PPP2R2D: variants seen among roughly 807,000 people sequenced by gnomAD.
PPP2R2D encodes the protein protein phosphatase 2 regulatory subunit Bdelta.
PPP2R2D carries 9 observed loss-of-function variants against 31.1 expected under a neutral mutation model. The ratio of observed to expected loss-of-function variants is 0.29; its 90% CI spans 0.17 to 0.51. The LOEUF (loss-of-function observed/expected upper bound fraction) is 0.51, where lower values mean the gene tolerates loss of function less well. PPP2R2D is among the 20% of genes least tolerant of loss of function. The pLI is 0.98. For synonymous variants in PPP2R2D, 179 were observed against 172.6 expected (o/e 1.04, Z -0.29); for missense variants, 391 against 465.6 (o/e 0.84, Z 1.48).
At chr10:131,942,221 C>G (rs1233647495) in intron 5 of PPP2R2D, among the ~76,000 whole-genome samples, 1 of 152,192 alleles carries the variant, frequency 6.6e-6, no homozygotes, top group Non-Finnish European at 1.5e-5. Flanking sequence ...CTGCCACAAC[C>G]CATCAGCTCA....
chr10:131,908,701 C>A (rs1371516574), intron 2 of PPP2R2D, among the ~76,000 whole-genome samples: 3 of 152,206 alleles, frequency 2.0e-5, no homozygotes, highest in Non-Finnish European at 4.4e-5. Context: ...TACAGGGTTG[C>A]TGTGAAGATT....
In PPP2R2D at chr10:131,956,095, G is replaced by A; in HGVS notation, c.*132G>A. Reference sequence around the variant, plus strand: ...GCTACTTCCCTTCACAGACACAGGAGAAAGCCGCCTCCGCTGGAGGCCCGG... The same window carrying A: ...GCTACTTCCCTTCACAGACACAGGAAAAAGCCGCCTCCGCTGGAGGCCCGG... On this transcript the variant is annotated 3_prime_UTR_variant, in exon 9 of 9. Transcript: ENST00000455566. 7.9e-7 allele frequency: 1 copy of A among 1,269,326 alleles called. No homozygotes were observed. The highest frequency in any genetic ancestry group is 9.9e-7 in the Non-Finnish European group (1 of 1,008,802). The allele number at this position is 1,269,326 out of a possible 1,614,324, so 78.6% of individuals were successfully genotyped here.
Position 131,954,949 on chromosome 10 carries a change from G to A in PPP2R2D, c.1083-735G>A, listed in dbSNP as rs374831712. On this transcript the variant is annotated intron_variant, in intron 8 of 8. Transcript: ENST00000455566. ...TGAAGCCATGGGTCAAATCATGGCA[G>A]CGTTTGCATCATTCAGCTATTTTTC... is the stretch of plus-strand genomic sequence containing the variant. Among the ~76,000 whole-genome samples, 15 of 152,352 alleles carry A rather than the reference G, an allele frequency of 9.8e-5. No individual in the cohort carries two copies. The East Asian group carries it at 2.3e-3, about 23-fold the overall frequency.
the PPP2R2D span, chr10:131,970,578 T>C: frequency 3.8e-6 from 6 of 1,577,946 alleles, no homozygotes; most frequent in African/African-American, 1.4e-5. The surrounding 1 kb of genome is among the most constrained non-coding windows in gnomAD (Gnocchi z 4.1). Flanking sequence ...AATAAATCAC[T>C]GCAACCCAGA....
At chr10:131,942,944 C>T (rs1554897394) in intron 5 of PPP2R2D, among the ~76,000 whole-genome samples, 1 of 152,082 alleles carries the variant, frequency 6.6e-6, no homozygotes, top group Non-Finnish European at 1.5e-5. Flanking sequence ...CACACTTTTC[C>T]AAGTTGGTTT....
rs542985666 is a variant in PPP2R2D at position 131,921,633 on chromosome 10, C to T, written c.101-12825C>T. On this transcript the variant is annotated intron_variant, in intron 2 of 8. Coordinates refer to ENST00000455566, the MANE Select transcript of PPP2R2D (RefSeq NM_018461.5). ...TACTAAGGGCAGTGAGGATTCAAAA[C>T]AGCATGGTTGGATTTGAGTTTAAAA... 2.0e-5 allele frequency among the ~76,000 whole-genome samples: 3 copies of T among 152,330 alleles called. No homozygotes were observed. The South Asian group carries it at 6.2e-4, about 32-fold the overall frequency.
intron 2 of PPP2R2D, among the ~76,000 whole-genome samples, chr10:131,906,767 A>G (rs893963165): frequency 6.6e-6 from 1 of 151,300 alleles, no homozygotes; most frequent in Non-Finnish European, 1.5e-5. Flanking sequence ...CCAAAAAAAA[A>G]AAAAAAAGAA....
chr10:131,948,983 G>C (rs1242603772), intron 8 of PPP2R2D, among the ~76,000 whole-genome samples: 1 of 152,126 alleles, frequency 6.6e-6, no homozygotes, highest in African/African-American at 2.4e-5. Context: ...TTGCAGTTTG[G>C]GTTTGTGCCA....
chr10:131,968,919 T>A, the PPP2R2D span: 1 of 191,012 alleles, frequency 5.2e-6, no homozygotes, highest in Admixed American at 5.5e-5. Flanking sequence ...ACCACCAGCC[T>A]CACCAAAGCC....
downstream of PPP2R2D, among the ~76,000 whole-genome samples, chr10:131,962,893 G>A (rs2036942525): frequency 6.6e-6 from 1 of 152,208 alleles, no homozygotes; most frequent in Admixed American, 6.5e-5. Flanking sequence ...GGCTAGGCAT[G>A]GTGGCTCACG....
chr10:131,934,126 C>T (rs782693303), intron 2 of PPP2R2D, among the ~76,000 whole-genome samples: 51 of 151,988 alleles, frequency 3.4e-4, no homozygotes, highest in Non-Finnish European at 5.9e-4. Context: ...CCATTTTTTT[C>T]CTCTATTTTT....
intron 5 of PPP2R2D, among the ~76,000 whole-genome samples, chr10:131,941,688 C>T (rs2036444726): frequency 6.6e-6 from 1 of 152,100 alleles, no homozygotes; most frequent in African/African-American, 2.4e-5. Flanking sequence ...CTACAGAGGA[C>T]GCTGTACCGC....
chr10:131,939,886 CCT>C, intron 3 of PPP2R2D, 143 bp from the exon 4 acceptor site: 1 of 397,736 alleles, frequency 2.5e-6, no homozygotes, highest in Non-Finnish European at 4.5e-6. Flanking sequence ...TTTTTTTTTC[CCT>C]GAGTTTCATC....
chr10:131,939,554 C>T (rs965102630), intron 3 of PPP2R2D, among the ~76,000 whole-genome samples: 3 of 142,400 alleles, frequency 2.1e-5, no homozygotes, highest in Non-Finnish European at 3.1e-5. Flanking sequence ...CCAGAAAATA[C>T]GGCAGGCTGT....
chr10:131,952,154 TAGC>T (rs1448712882), intron 8 of PPP2R2D, among the ~76,000 whole-genome samples: 33 of 95,570 alleles, frequency 3.5e-4, no homozygotes, highest in Admixed American at 2.7e-3. Context: ...TTCACTGTCT[TAGC>T]AGTGACTTGC....
rs1195117313 is a variant in PPP2R2D, at chr10:131,901,061, G to C, written c.-88G>C. The C allele has an allele frequency of 3.0e-5, 5 of 166,860 alleles. No individual in the cohort carries two copies. In the East Asian group the frequency reaches 8.9e-4, roughly 30 times the overall value. 10.3% of individuals were successfully genotyped at this position (166,860 alleles called of 1,614,324 possible). Reference sequence around the variant, plus strand: ...CGGCGGCGGCGCCGGCGGTGGTGGCGGCCCCGGGGCTGAGCGCTCGGCTGC... The same window carrying C: ...CGGCGGCGGCGCCGGCGGTGGTGGCCGCCCCGGGGCTGAGCGCTCGGCTGC... On this transcript the variant is annotated 5_prime_UTR_variant, in exon 1 of 9. Transcript: ENST00000455566.
chr10:131,906,211 A>G, intron 2 of PPP2R2D, among the ~76,000 whole-genome samples: 1 of 152,182 alleles, frequency 6.6e-6, no homozygotes, highest in East Asian at 1.9e-4. Context: ...GCTCCTATGG[A>G]GAAACCGTGG....
the PPP2R2D span, chr10:131,969,732 A>T: frequency 6.6e-6 from 1 of 152,316 alleles, no homozygotes; most frequent in Admixed American, 6.5e-5. Flanking sequence ...TCTGCACGCC[A>T]GGACTAGAGC....
chr10:131,933,350 T>C (rs1554895976), intron 2 of PPP2R2D, among the ~76,000 whole-genome samples: 1 of 152,194 alleles, frequency 6.6e-6, no homozygotes, highest in Non-Finnish European at 1.5e-5. Flanking sequence ...TTCTTCTTAG[T>C]AGGTTGTTTA....
Sources: gnomAD v4.1 joint callset for allele counts (sites outside exome capture counted in the v4.1 genomes callset) on GRCh38, gnomAD v4.1.1 for gene constraint, Gnocchi (gnomAD v3.1) non-coding constraint, MANE v1.5 for transcripts, NCBI Gene and HGNC (gene_info 2026-07-23, HGNC 2026-07-21) for gene names.